The following SZT2 variants were observed in gnomAD, a reference collection of about 807,000 sequenced individuals.
SZT2 encodes the protein KICSTOR complex protein SZT2.
A neutral mutation model predicts 404.2 loss-of-function variants in SZT2; 216 were observed. The ratio of observed to expected loss-of-function variants is 0.53; its 90% CI spans 0.48 to 0.60. The LOEUF (loss-of-function observed/expected upper bound fraction) is 0.60. Ranked by LOEUF, SZT2 falls within the 20% of genes least tolerant of loss-of-function variation. The probability of loss-of-function intolerance (pLI) is 0.00; values close to 1 mark genes in which losing one functional copy is unlikely to be tolerated. For missense variants in SZT2, 3,857 were observed against 4,459.2 expected, an observed-to-expected ratio of 0.86 and a Z score of 3.85; for synonymous variants, 1,693 against 1,749.9, an observed-to-expected ratio of 0.97 and a Z score of 0.81.
At chr1:43,436,675 G>A (rs943325637) in intron 42 of SZT2, 1 of 159,112 alleles carries the variant, frequency 6.3e-6, no homozygotes. Flanking sequence ...GTGGCCATGG[G>A]CTCCTGTGTA....
chr1:43,420,289 G>A lies in SZT2; in HGVS notation c.1227G>A (p.Glu409=). 1 of 1,597,534 alleles carries A rather than the reference G, an allele frequency of 6.3e-7. No individual in the cohort carries two copies. Among genetic ancestry groups the A allele is most frequent in the Non-Finnish European group, 8.5e-7 (1 of 1,179,396 alleles). ...LVSTVSVRLR[E]GYSVREVTLA... Reference sequence around the variant, plus strand: ...GCACTGTGTCCGTACGGCTTCGAGAGGGCTACAGTGTCCGAGAGGTCACAC... The same window carrying A: ...GCACTGTGTCCGTACGGCTTCGAGAAGGCTACAGTGTCCGAGAGGTCACAC... The change falls in exon 9 of 72, where the codon GAG becomes GAA. Residue 409 remains glutamate (E), a synonymous_variant. Coordinates refer to ENST00000634258, the MANE Select transcript of SZT2 (RefSeq NM_001365999.1). This position sits in a 1 kb window ranked among gnomAD's most constrained non-coding sequence, Gnocchi z 5.1.
chr1:43,396,714 ACTTT>A (rs1006092676), intron 1 of SZT2, among the ~76,000 whole-genome samples: 3 of 152,172 alleles, frequency 2.0e-5, no homozygotes, highest in Non-Finnish European at 4.4e-5. Flanking sequence ...AAATCACAAC[ACTTT>A]CTTTCTGTAA....
Position 43,453,982 on chromosome 1 carries a change from G to C in SZT2, c.*3502G>C. On this transcript the variant is annotated 3_prime_UTR_variant, in exon 72 of 72. Coordinates refer to ENST00000634258, the MANE Select transcript of SZT2 (RefSeq NM_001365999.1). The stretch of plus-strand genomic sequence containing the variant: ...AAAAGCGCCTACGGTTAGCGAGAGA[G>C]GGATCACGGGGAGAGGCGAAGGGGC... The C allele has an allele frequency of 1.7e-6, 2 of 1,187,390 alleles. No individual in the cohort carries two copies. Among genetic ancestry groups the C allele is most frequent in the Non-Finnish European group, 2.1e-6 (2 of 959,632 alleles). 73.6% of individuals were successfully genotyped at this position (1,187,390 alleles called of 1,614,324 possible).
At chr1:43,402,304 C>A (rs1649778195) in intron 1 of SZT2, among the ~76,000 whole-genome samples, 1 of 152,132 alleles carries the variant, frequency 6.6e-6, no homozygotes, top group African/African-American at 2.4e-5. Flanking sequence ...ACCAATTGAC[C>A]TTTATTTCCT....
chr1:43,442,626 C>T lies in SZT2; in HGVS notation c.8151+8C>T. The T allele has an allele frequency of 6.3e-7, 1 of 1,593,490 alleles. No homozygotes were observed. Among genetic ancestry groups the T allele is most frequent in the Non-Finnish European group, 8.6e-7 (1 of 1,168,604 alleles). ...CCCGTGCGAGATGAAAAGGTGCCTG[C>T]TGCTCTGGTTCTTCCTATAGTTTTG... On this transcript the variant is annotated splice_region_variant and intron_variant, in intron 58 of 71. Coordinates refer to ENST00000634258, the MANE Select transcript of SZT2 (RefSeq NM_001365999.1). This position sits in a 1 kb window ranked among gnomAD's most constrained non-coding sequence, Gnocchi z 4.5.
chr1:43,446,191 C>G lies in SZT2; in HGVS notation c.8929C>G (p.Pro2977Ala). The G allele has an allele frequency of 6.2e-7, 1 of 1,614,242 alleles. No individual in the cohort carries two copies. The highest frequency in any genetic ancestry group is 8.5e-7 in the Non-Finnish European group (1 of 1,180,046). Residue 2977 changes from proline to alanine, a missense_variant, in exon 64 of 72, where the codon CCG becomes GCG. Physicochemically the swap from Pro to Ala is conservative, Grantham distance 27. Around this residue, in one of 7 missense-constraint regions of SZT2, gnomAD observed 717 missense variants for 868.2 expected, o/e 0.83. Coordinates refer to ENST00000634258, the MANE Select transcript of SZT2 (RefSeq NM_001365999.1). Reference sequence around the variant, plus strand: ...TTTGTTTCTTCAGAGCACTAGCTCTCCGGTAACCACCTACCACCTGCAGCG... The same window carrying G: ...TTTGTTTCTTCAGAGCACTAGCTCTGCGGTAACCACCTACCACCTGCAGCG... ...TDGSPKSTSS[P>A]VTTYHLQRAL...
rs2153938560 is a variant in SZT2 at position 43,453,225 on chromosome 1, GATAAA to G, written c.*2749_*2753del. On this transcript the variant is annotated 3_prime_UTR_variant, in exon 72 of 72. Transcript: ENST00000634258. ...GTGGCAAACAGAGTGGCATAAGACA[GATAAA>G]ATACAAAAGGCAATTTACAAAGGAC... 2 of 639,852 alleles carry G rather than the reference GATAAA, an allele frequency of 3.1e-6. No homozygotes were observed. The highest frequency in any genetic ancestry group is 2.7e-5 in the East Asian group (1 of 36,524). 39.6% of individuals were successfully genotyped at this position (639,852 alleles called of 1,614,324 possible). A position where few individuals can be genotyped will look rare whatever the true frequency, so the allele number is the denominator to read the frequency against.
At position 43,442,700 on chromosome 1, in the gene SZT2, A is replaced by C; in HGVS notation, c.8151+82A>C. Reference sequence around the variant, plus strand: ...AAAAACCAGCTCAGAAGCCAGAAAGATGGGACAGACTGAGGGCAGAGGTAG... The same window carrying C: ...AAAAACCAGCTCAGAAGCCAGAAAGCTGGGACAGACTGAGGGCAGAGGTAG... On this transcript the variant is annotated intron_variant, in intron 58 of 71. Transcript: ENST00000634258. This position sits in a 1 kb window ranked among gnomAD's most constrained non-coding sequence, Gnocchi z 4.5. The C allele has an allele frequency of 2.6e-6, 4 of 1,535,726 alleles. No homozygotes were observed. Among genetic ancestry groups the C allele is most frequent in the South Asian group, 2.5e-5 (2 of 79,460 alleles).
At position 43,453,375 on chromosome 1, in the gene SZT2, G is replaced by A. The variant is rs1458794344; in HGVS notation, c.*2895G>A. 3 of 1,485,466 alleles carry A rather than the reference G, an allele frequency of 2.0e-6. No homozygotes were observed. The highest frequency in any genetic ancestry group is 2.7e-6 in the Non-Finnish European group (3 of 1,092,446). 92.0% of individuals were successfully genotyped at this position (1,485,466 alleles called of 1,614,324 possible). A position where few individuals can be genotyped will look rare whatever the true frequency, so the allele number is the denominator to read the frequency against. On this transcript the variant is annotated 3_prime_UTR_variant, in exon 72 of 72. Transcript: ENST00000634258. The stretch of plus-strand genomic sequence containing the variant: ...GGGTCACAGGGGTGGGGGTGGGGTG[G>A]AGCGGGGTACCTGGGACAGCCCAGG...
chr1:43,429,865 T>C (rs778249435), intron 29 of SZT2, 21 bp downstream of exon 29: 5 of 1,613,820 alleles, frequency 3.1e-6, no homozygotes, highest in East Asian at 2.2e-5. Flanking sequence ...TGGGTGAGGG[T>C]AGAAGAGGTG....
At position 43,453,438 on chromosome 1, in the gene SZT2, G is replaced by A. The variant is rs1220399813; in HGVS notation, c.*2958G>A. The A allele has an allele frequency of 7.7e-6, 12 of 1,563,748 alleles. 1 individual carries two copies. The highest frequency in any genetic ancestry group is 4.7e-5 in the South Asian group (4 of 84,960). On this transcript the variant is annotated 3_prime_UTR_variant, in exon 72 of 72. Transcript: ENST00000634258. ...CGCACGGCCTGCTCCAGTCCCTCTC[G>A]GAAGGCCGCCTGTCTCCCGGGGACG... is the stretch of plus-strand genomic sequence containing the variant.
intron 62 of SZT2, among the ~76,000 whole-genome samples, chr1:43,444,782 T>A (rs535276960): frequency 6.6e-6 from 1 of 152,330 alleles, no homozygotes; most frequent in South Asian, 2.1e-4. Context: ...TCCCAGTGGC[T>A]GTATGCGAAA....
At position 43,427,317 on chromosome 1, in the gene SZT2, C is replaced by A; in HGVS notation, c.3470C>A (p.Pro1157His). The A allele has an allele frequency of 2.5e-6, 4 of 1,613,124 alleles. No individual in the cohort carries two copies. Among genetic ancestry groups the A allele is most frequent in the Non-Finnish European group, 3.4e-6 (4 of 1,179,558 alleles). ...CTGGCTGCCTGTGGCCTGGAGGGAC[C>A]CCCTCAAGAGGAGACAAAGCCTAAG... ...QRLAACGLEG[P>H]PQEETKPKFG... Residue 1157 changes from proline (P) to histidine (H), a missense_variant, in exon 25 of 72, where the codon CCC (proline) becomes CAC (histidine). Pro to His is a moderately conservative substitution (Grantham distance 77). This residue lies in a region of SZT2 where 1,725 missense variants were observed against 1,881.0 expected (regional missense o/e 0.92). Transcript: ENST00000634258.
In SZT2 at chr1:43,441,681, C is replaced by G; in HGVS notation, c.7610-5C>G. The G allele has an allele frequency of 6.2e-6, 10 of 1,614,160 alleles. No homozygotes were observed. The highest frequency in any genetic ancestry group is 8.5e-6 in the Non-Finnish European group (10 of 1,180,018). The stretch of plus-strand genomic sequence containing the variant: ...CAGCTCCACAGTGACTCCTCTGCCT[C>G]CTAGGTTGTGCCTCAGTGTCCAGAA... On this transcript the variant is annotated splice_region_variant and splice_polypyrimidine_tract_variant and intron_variant, in intron 54 of 71. Transcript: ENST00000634258. The surrounding 1 kb of genome is among the most constrained non-coding windows in gnomAD (Gnocchi z 4.8).
intron 7 of SZT2, 35 bp downstream of exon 7, chr1:43,416,676 G>A (rs764450888): frequency 5.4e-6 from 8 of 1,493,482 alleles, no homozygotes; most frequent in South Asian, 1.2e-5. Context: ...GAGAGATATG[G>A]AATATCTCAC....
Position 43,450,924 on chromosome 1 carries a change from G to C in SZT2, c.*444G>C. The C allele has an allele frequency of 1.3e-6, 1 of 751,932 alleles. No homozygotes were observed. Among genetic ancestry groups the C allele is most frequent in the Non-Finnish European group, 2.4e-6 (1 of 409,940 alleles). The allele number at this position is 751,932 out of a possible 1,614,324, so 46.6% of individuals were successfully genotyped here. On this transcript the variant is annotated 3_prime_UTR_variant, in exon 72 of 72. Transcript: ENST00000634258. This position sits in a 1 kb window ranked among gnomAD's most constrained non-coding sequence, Gnocchi z 4.3. Reference sequence around the variant, plus strand: ...GACATCACTGCTGGACATTCCCATCGAGATGACACCTGGGTTCCAATCCCA... The same window carrying C: ...GACATCACTGCTGGACATTCCCATCCAGATGACACCTGGGTTCCAATCCCA...
At chr1:43,411,533 C>G (rs1049883621) in intron 4 of SZT2, among the ~76,000 whole-genome samples, 2 of 152,202 alleles carry the variant, frequency 1.3e-5, no homozygotes, top group Admixed American at 1.3e-4. Flanking sequence ...ACCCTCCTCC[C>G]TGGGAAGGGC....
rs1655871818 is a variant in SZT2 at position 43,447,854 on chromosome 1, G to C, written c.9446G>C (p.Gly3149Ala). The C allele has an allele frequency of 1.9e-6, 3 of 1,614,040 alleles. No individual in the cohort carries two copies. The highest frequency in any genetic ancestry group is 2.5e-6 in the Non-Finnish European group (3 of 1,179,998). The change falls in exon 68 of 72, where the codon GGC becomes GCC. Residue 3149 changes from glycine to alanine, a missense_variant. Around this residue, in one of 7 missense-constraint regions of SZT2, gnomAD observed 717 missense variants for 868.2 expected, o/e 0.83. Transcript: ENST00000634258. ...YALVSAWHSS[G>A]SYLDSEGLRH... The stretch of plus-strand genomic sequence containing the variant: ...CCCCAACCCGTCCTGCACAGTTCTG[G>C]CTCCTACCTGGACTCTGAGGGACTT...
chr1:43,446,107 C>T, intron 63 of SZT2, 72 bp from the exon 64 acceptor site: 1 of 1,593,998 alleles, frequency 6.3e-7, no homozygotes, highest in Non-Finnish European at 8.6e-7. Flanking sequence ...AAGTCAGGGT[C>T]CAAGGGACTT....
Sources: gnomAD v4.1 joint callset for allele counts (sites outside exome capture counted in the v4.1 genomes callset) on GRCh38, gnomAD v4.1.1 for gene constraint, gnomAD v4.1.1 regional missense constraint, Gnocchi (gnomAD v3.1) non-coding constraint, MANE v1.5 for transcripts, NCBI Gene and HGNC (gene_info 2026-07-23, HGNC 2026-07-21) for gene names.